Variants in VPS13A observed in about 807,000 individuals in gnomAD.
VPS13A encodes vacuolar protein sorting 13 homolog A.
In VPS13A, 264 loss-of-function variants were observed where a neutral mutation model predicts 390.9. The observed-to-expected ratio is 0.68, with a 90% CI of 0.61 to 0.75. The LOEUF is 0.75. VPS13A is among the 30% of genes least tolerant of loss of function. VPS13A has a pLI of 0.00. For missense variants in VPS13A, 3,409 were observed against 3,733.9 expected, an observed-to-expected ratio of 0.91 and a Z score of 2.27; for synonymous variants, 1,231 against 1,227.1, an observed-to-expected ratio of 1.00 and a Z score of -0.07.
At chr9:77,407,861 T>TA (rs1834700016) in intron 71 of VPS13A, among the ~76,000 whole-genome samples, 1 of 150,068 alleles carries the variant, frequency 6.7e-6, no homozygotes, top group Admixed American at 6.6e-5. Flanking sequence ...ATGCTAACTC[T>TA]AATTAATTTT....
rs879893500 is a variant in VPS13A at position 77,314,063 on chromosome 9, A to T, written c.4186A>T (p.Ile1396Leu). The T allele has an allele frequency of 6.2e-7, 1 of 1,613,460 alleles. No homozygotes were observed. The highest frequency in any genetic ancestry group is 8.5e-7 in the Non-Finnish European group (1 of 1,179,608). ...RALLVKTTLN[I>L]SFKTDDLTMV... is the part of the protein sequence containing the mutation. ...CTTACTAGTTAAGACAACACTAAAC[A>T]TAAGCTTCAAAACTGATGATCTCAC... Residue 1396 changes from isoleucine (I) to leucine (L), a missense_variant, in exon 36 of 72, where the codon ATA becomes TTA. By Grantham distance (5) the Ile-to-Leu change is conservative. Transcript: ENST00000360280.
At position 77,343,187 on chromosome 9, in the gene VPS13A, G is replaced by C. The variant is rs77705634; in HGVS notation, c.7027-966G>C. 5.6e-3 allele frequency among the ~76,000 whole-genome samples: 854 copies of C among 152,292 alleles called. 6 individuals carry two copies. The highest frequency in any genetic ancestry group is 0.02 in the Middle Eastern group (6 of 294). On this transcript the variant is annotated intron_variant, in intron 50 of 71. Coordinates refer to ENST00000360280, the MANE Select transcript of VPS13A (RefSeq NM_033305.3). ...GCTTCCGAATGAAGTGCCTGGGCTAGGAATGCAGACATGGATAAAAGCTTT... is the reference window on the plus strand; with the variant it reads ...GCTTCCGAATGAAGTGCCTGGGCTACGAATGCAGACATGGATAAAAGCTTT...
chr9:77,392,790 C>T (rs570213161), intron 68 of VPS13A, among the ~76,000 whole-genome samples: 1 of 146,680 alleles, frequency 6.8e-6, no homozygotes, highest in South Asian at 2.2e-4. Context: ...TATATACACA[C>T]CTTAATTTAA....
At chr9:77,389,056 GAGAAA>G (rs1833803262) in intron 68 of VPS13A, among the ~76,000 whole-genome samples, 2 of 152,202 alleles carry the variant, frequency 1.3e-5, no homozygotes, top group South Asian at 2.1e-4. Context: ...ATGCTCATTA[GAGAAA>G]AGCAGGAAAC....
chr9:77,413,847 G>A (rs1835053580), intron 71 of VPS13A, among the ~76,000 whole-genome samples: 1 of 152,138 alleles, frequency 6.6e-6, no homozygotes, highest in Admixed American at 6.5e-5. Flanking sequence ...CTACTCATCT[G>A]ACAAAGGGCC....
At chr9:77,414,588 A>G (rs1292951867) in intron 71 of VPS13A, among the ~76,000 whole-genome samples, 3 of 151,102 alleles carry the variant, frequency 2.0e-5, no homozygotes, top group Admixed American at 1.3e-4. Context: ...AGGGCCTGTT[A>G]TGGGATGGGG....
intron 37 of VPS13A, 123 bp downstream of exon 37, chr9:77,314,787 T>G: frequency 1.1e-6 from 1 of 905,546 alleles, no homozygotes; most frequent in Non-Finnish European, 1.8e-6. Context: ...AAGCTTCAAT[T>G]CAGTCAGCTC....
At chr9:77,362,897 A>G (rs142748338) in intron 59 of VPS13A, among the ~76,000 whole-genome samples, 10 of 152,106 alleles carry the variant, frequency 6.6e-5, no homozygotes, top group African/African-American at 2.2e-4. Flanking sequence ...TGATTTTTTA[A>G]TTCCATTTTT....
At chr9:77,415,392 A>G (rs1374341974) in intron 71 of VPS13A, among the ~76,000 whole-genome samples, 2 of 152,238 alleles carry the variant, frequency 1.3e-5, no homozygotes, top group African/African-American at 4.8e-5. Context: ...TTTATATATT[A>G]GAATAAGCCC....
intron 46 of VPS13A, among the ~76,000 whole-genome samples, chr9:77,334,552 G>T: frequency 6.6e-6 from 1 of 152,122 alleles, no homozygotes; most frequent in African/African-American, 2.4e-5. Context: ...TCTAGAAAGA[G>T]CCAACCACTC....
At chr9:77,235,285 C>T (rs1824079449) in intron 17 of VPS13A, among the ~76,000 whole-genome samples, 1 of 152,090 alleles carries the variant, frequency 6.6e-6, no homozygotes, top group African/African-American at 2.4e-5. Context: ...GTTCATTTTT[C>T]CTTCATTTTA....
rs538043951 is a variant in VPS13A, at chr9:77,375,305, A to C, written c.9077+4156A>C. ...CCTGTGAAAAAAGACACTGAAAGTA[A>C]AAGGAGGAATGGGTTACAAGATTCA... On this transcript the variant is annotated intron_variant, in intron 67 of 71. Coordinates refer to ENST00000360280, the MANE Select transcript of VPS13A (RefSeq NM_033305.3). Among the ~76,000 whole-genome samples the C allele has an allele frequency of 3.3e-5, 5 of 152,320 alleles. No homozygotes were observed. In the South Asian group the frequency reaches 1.0e-3, roughly 32 times the overall value.
intron 67 of VPS13A, among the ~76,000 whole-genome samples, chr9:77,371,897 C>T (rs999630544): frequency 7.3e-6 from 1 of 137,584 alleles, no homozygotes; most frequent in Non-Finnish European, 1.6e-5. Flanking sequence ...TGAGAATATG[C>T]GGTGTTTGGT....
intron 23 of VPS13A, among the ~76,000 whole-genome samples, chr9:77,264,382 G>A (rs1280766715): frequency 6.6e-6 from 1 of 152,032 alleles, no homozygotes; most frequent in Non-Finnish European, 1.5e-5. Flanking sequence ...AAATTACCTT[G>A]GGCAGTATGG....
At chr9:77,271,204 G>A (rs929040201) in intron 23 of VPS13A, among the ~76,000 whole-genome samples, 1 of 152,096 alleles carries the variant, frequency 6.6e-6, no homozygotes, top group Non-Finnish European at 1.5e-5. Flanking sequence ...ATGAAAAGAT[G>A]TTCGACTTTA....
At chr9:77,306,385 A>G (rs1437201107) in intron 34 of VPS13A, among the ~76,000 whole-genome samples, 2 of 71,370 alleles carry the variant, frequency 2.8e-5, no homozygotes, top group Non-Finnish European at 6.2e-5. Flanking sequence ...AGGGTTCTCC[A>G]GAGAGAGAGA....
intron 31 of VPS13A, among the ~76,000 whole-genome samples, chr9:77,287,228 C>T (rs1461753531): frequency 6.7e-6 from 1 of 148,490 alleles, no homozygotes; most frequent in Non-Finnish European, 1.5e-5. Context: ...ATAAAATTCT[C>T]TCTCTCTCTC....
intron 5 of VPS13A, 26 bp from the exon 6 acceptor site, chr9:77,209,397 T>C: frequency 6.6e-7 from 1 of 1,507,230 alleles, no homozygotes; most frequent in Non-Finnish European, 9.2e-7. Context: ...CATTCAATTT[T>C]AAAAAAGGAA....
chr9:77,359,241 G>C (rs1831993308), intron 57 of VPS13A, 92 bp from the exon 58 acceptor site: 1 of 1,013,210 alleles, frequency 9.9e-7, no homozygotes, highest in Admixed American at 2.0e-5. Flanking sequence ...TTTAGTAAAT[G>C]ATTTAATTTT....
Sources: allele counts gnomAD v4.1 joint callset (sites outside exome capture counted in the v4.1 genomes callset), GRCh38; gene constraint gnomAD v4.1.1; transcripts MANE v1.5; gene names NCBI Gene and HGNC (gene_info 2026-07-23, HGNC 2026-07-21).